Variants in MBTPS1 observed in about 807,000 individuals in gnomAD.
MBTPS1 encodes the protein membrane bound transcription factor peptidase, site 1, also known as membrane-bound transcription factor site-1 protease.
A neutral mutation model predicts 127.8 loss-of-function variants in MBTPS1; 94 were observed. The ratio of observed to expected loss-of-function variants is 0.74; its 90% CI spans 0.62 to 0.87. The LOEUF is 0.87. MBTPS1 is among the 40% of genes least tolerant of loss of function. The pLI, the probability that MBTPS1 is intolerant of heterozygous loss-of-function variation, is 0.00. For missense variants in MBTPS1, 1,636 were observed against 1,353.2 expected (o/e 1.21, Z -3.28); for synonymous variants, 632 against 509.4 (o/e 1.24, Z -3.24).
Position 84,054,515 on chromosome 16 carries a change from C to T in MBTPS1, c.3093G>A (p.Arg1031=). 6.2e-7 allele frequency: 1 copy of T among 1,613,892 alleles called. No homozygotes were observed. The highest frequency in any genetic ancestry group is 8.5e-7 in the Non-Finnish European group (1 of 1,179,876). ...GCTGCGGGCGCTTCACCCTGGGCTTCCTCCGCTTCGGCCTGCTCTTGGCCT... is the reference window on the plus strand; with the variant it reads ...GCTGCGGGCGCTTCACCCTGGGCTTTCTCCGCTTCGGCCTGCTCTTGGCCT... ...INKAKSRPKR[R]KPRVKRPQLM... is the part of the protein sequence containing the mutation. Residue 1031 remains arginine (R), a synonymous_variant, in exon 23 of 23, where the codon AGG becomes AGA. Transcript: ENST00000343411.
chr16:84,073,200 C>A (rs2085799596), intron 12 of MBTPS1, among the ~76,000 whole-genome samples: 1 of 152,168 alleles, frequency 6.6e-6, no homozygotes, highest in Non-Finnish European at 1.5e-5. Flanking sequence ...GTGGCATGAT[C>A]TCGGCCCACT....
At position 84,059,390 on chromosome 16, in the gene MBTPS1, G is replaced by A. The variant is rs958201138; in HGVS notation, c.2743C>T (p.His915Tyr). ...GGCCGAGGTTTTGGGTCTCCCAAAT[G>A]GGCCTCCAGAACCTTGGAGTACCGA... is the stretch of plus-strand genomic sequence containing the variant. The part of the protein sequence containing the change: ...LHRYSKVLEA[H>Y]LGDPKPRPLP... The change falls in exon 21 of 23, where the codon CAT (histidine) becomes TAT (tyrosine). Residue 915 changes from histidine (H) to tyrosine (Y), a missense_variant. Transcript: ENST00000343411. 3 of 1,614,116 alleles carry A rather than the reference G, an allele frequency of 1.9e-6. No individual in the cohort carries two copies. The highest frequency in any genetic ancestry group is 2.2e-5 in the South Asian group (2 of 91,072).
intron 13 of MBTPS1, 88 bp downstream of exon 13, chr16:84,070,500 A>C (rs754724212): frequency 7.4e-7 from 1 of 1,347,856 alleles, no homozygotes. Flanking sequence ...TGTACTTCCA[A>C]TGGAGACCCC....
intron 20 of MBTPS1, 150 bp downstream of exon 20, chr16:84,060,532 A>G: frequency 1.2e-6 from 1 of 806,638 alleles, no homozygotes; most frequent in Non-Finnish European, 1.9e-6. Flanking sequence ...AGAGCCGCTG[A>G]GTGCTGCTCT....
At chr16:84,094,899 G>C (rs1388457735) in intron 4 of MBTPS1, among the ~76,000 whole-genome samples, 1 of 152,314 alleles carries the variant, frequency 6.6e-6, no homozygotes, top group African/African-American at 2.4e-5. Context: ...CCTAAGTCAA[G>C]GATATACGAA....
rs748734492 is a variant in MBTPS1, at chr16:84,059,442, C to T, written c.2705-14G>A. 2.5e-6 allele frequency: 4 copies of T among 1,598,900 alleles called. No individual in the cohort carries two copies. In the South Asian group the frequency reaches 4.5e-5, roughly 18 times the overall value. ...GAAGATGGTTTCCTGTGGTTAGCAG[C>T]AACATCAACAAAAAGGAAAATCATC... On this transcript the variant is annotated splice_polypyrimidine_tract_variant and intron_variant, in intron 20 of 22. Transcript: ENST00000343411.
At chr16:84,080,797 G>A (rs894796670) in intron 11 of MBTPS1, among the ~76,000 whole-genome samples, 3 of 152,200 alleles carry the variant, frequency 2.0e-5, no homozygotes, top group Non-Finnish European at 4.4e-5. Context: ...TGCAGTTCCT[G>A]CCTATTCCCA....
At chr16:84,110,828 A>G (rs1358694868) in intron 1 of MBTPS1, 3 of 152,214 alleles carry the variant, frequency 2.0e-5, no homozygotes, top group Non-Finnish European at 4.4e-5. Flanking sequence ...AATCTCCCCT[A>G]GGGATTCAAT....
intron 1 of MBTPS1, chr16:84,110,577 C>A (rs2086384360): frequency 6.6e-6 from 1 of 152,170 alleles, no homozygotes; most frequent in South Asian, 2.1e-4. Flanking sequence ...AAGAAAAACA[C>A]TCACTGAGCA....
At chr16:84,063,639 A>T (rs2085644671) in intron 18 of MBTPS1, among the ~76,000 whole-genome samples, 194 bp from the exon 19 acceptor site, 1 of 152,212 alleles carries the variant, frequency 6.6e-6, no homozygotes, top group South Asian at 2.1e-4. Flanking sequence ...AGTGCCATTG[A>T]TTTGTTTTAG....
In MBTPS1 at chr16:84,070,006, T is replaced by C. The variant is rs2085746940; in HGVS notation, c.1815A>G (p.Val605=). ...SKNGAEQTST[V]KLPIKVKIIP... ...TTATCTTCACCTTAATGGGGAGCTT[T>C]ACTGTTGAAGTCTGTTCTGCACCAT... The change falls in exon 14 of 23, where the codon GTA becomes GTG. Residue 605 remains valine (V), a synonymous_variant. Transcript: ENST00000343411. 6.2e-7 allele frequency: 1 copy of C among 1,613,924 alleles called. No homozygotes were observed. Among genetic ancestry groups the C allele is most frequent in the Non-Finnish European group, 8.5e-7 (1 of 1,179,958 alleles).
At chr16:84,055,086 C>CT (rs1024381251) in intron 22 of MBTPS1, among the ~76,000 whole-genome samples, 3 of 152,204 alleles carry the variant, frequency 2.0e-5, no homozygotes, top group Admixed American at 6.5e-5. Context: ...AGAAGCACCG[C>CT]TGGCAGTGCC....
intron 12 of MBTPS1, among the ~76,000 whole-genome samples, chr16:84,072,510 G>A (rs1447171794): frequency 3.3e-5 from 5 of 152,156 alleles, no homozygotes; most frequent in African/African-American, 9.7e-5. Flanking sequence ...AGGCAAATCA[G>A]GTCAGGCGCG....
chr16:84,095,644 G>C lies in MBTPS1; in HGVS notation c.583C>G (p.Gln195Glu). 2 of 1,614,220 alleles carry C rather than the reference G, an allele frequency of 1.2e-6. No individual in the cohort carries two copies. Among genetic ancestry groups the C allele is most frequent in the Non-Finnish European group, 1.7e-6 (2 of 1,180,028 alleles). The change falls in exon 4 of 23, where the codon CAG (glutamine) becomes GAG (glutamate). Residue 195 changes from glutamine to glutamate, a missense_variant. Transcript: ENST00000343411. The part of the protein sequence containing the change: ...LLRAIPRQVA[Q>E]TLQADVLWQM... ...CAGAGCACATCTGCCTGCAGTGTCT[G>C]GGCAACCTGGCGCGGGATGGCTCTC...
chr16:84,109,339 C>G (rs1209559167), intron 1 of MBTPS1: 2 of 152,162 alleles, frequency 1.3e-5, no homozygotes, highest in South Asian at 2.1e-4. Flanking sequence ...TGGAATAAAA[C>G]AGGAAAACAG....
At chr16:84,103,801 C>A (rs980650034) in intron 1 of MBTPS1, among the ~76,000 whole-genome samples, 2 of 152,118 alleles carry the variant, frequency 1.3e-5, no homozygotes, top group Non-Finnish European at 1.5e-5. Context: ...AACAACTGAT[C>A]CTGAAAAACA....
In MBTPS1 at chr16:84,055,176, T is replaced by A. The variant is rs150787384; in HGVS notation, c.2963-531A>T. Among the ~76,000 whole-genome samples, 746 of 152,296 alleles carry A rather than the reference T, an allele frequency of 4.9e-3. 1 individual carries two copies. The highest frequency in any genetic ancestry group is 7.3e-3 in the Non-Finnish European group (496 of 68,014). On this transcript the variant is annotated intron_variant, in intron 22 of 22. Coordinates refer to ENST00000343411, the MANE Select transcript of MBTPS1 (RefSeq NM_003791.4). ...GCCATCAGAGGACCCTGGTTCAGAA[T>A]GTCAATACGACTGGGCAAGGCCAAG...
rs1235699672 is a variant in MBTPS1, at chr16:84,099,313, G to A, written c.164-3C>T. ...TCCATTGAAAGCCACAATATATTCT[G>A]AAACCAATCACCACAAACAAAAATA... is the stretch of plus-strand genomic sequence containing the variant. On this transcript the variant is annotated splice_region_variant and splice_polypyrimidine_tract_variant and intron_variant, in intron 2 of 22. Coordinates refer to ENST00000343411, the MANE Select transcript of MBTPS1 (RefSeq NM_003791.4). The A allele has an allele frequency of 6.2e-7, 1 of 1,612,416 alleles. No individual in the cohort carries two copies. The highest frequency in any genetic ancestry group is 1.7e-5 in the Admixed American group (1 of 59,822).
In MBTPS1 at chr16:84,060,799, G is replaced by T; in HGVS notation, c.2587C>A (p.Leu863Met). 1 of 1,586,560 alleles carries T rather than the reference G, an allele frequency of 6.3e-7. No homozygotes were observed. Among genetic ancestry groups the T allele is most frequent in the Non-Finnish European group, 8.6e-7 (1 of 1,166,320 alleles). ...GATGTGTACTGGAGGAGGGCATCCAGAAGCCAAAAGCAGTCTGCGAAGTCA... is the reference window on the plus strand; with the variant it reads ...GATGTGTACTGGAGGAGGGCATCCATAAGCCAAAAGCAGTCTGCGAAGTCA... ...SHRQKDCFWL[L>M]DALLQYTSYG... Residue 863 changes from leucine (L) to methionine (M), a missense_variant, in exon 20 of 23, where the codon CTG (leucine) becomes ATG (methionine). Transcript: ENST00000343411.
Sources: gnomAD v4.1 joint callset for allele counts (sites outside exome capture counted in the v4.1 genomes callset) on GRCh38, gnomAD v4.1.1 for gene constraint, MANE v1.5 for transcripts, NCBI Gene and HGNC (gene_info 2026-07-23, HGNC 2026-07-21) for gene names.